The following XPR1 variants were observed in gnomAD, a reference collection of about 807,000 sequenced individuals.
The protein encoded by XPR1 is solute carrier family 53 member 1.
In XPR1, 28 loss-of-function variants were observed where a neutral mutation model predicts 87.5. The observed-to-expected ratio is 0.32, with a 90% CI of 0.24 to 0.44. XPR1 has a LOEUF of 0.44. XPR1 is among the 20% of genes least tolerant of loss of function. The pLI is 1.00. For synonymous variants in XPR1, 300 were observed against 306.1 expected (o/e 0.98, Z 0.21); for missense variants, 559 against 862.3 (o/e 0.65, Z 4.41).
intron 2 of XPR1, among the ~76,000 whole-genome samples, chr1:180,709,141 A>T (rs1657667161): frequency 6.6e-6 from 1 of 151,978 alleles, no homozygotes; most frequent in African/African-American, 2.4e-5. Flanking sequence ...CAAACTCCTG[A>T]CCTCAGGTGA....
intron 14 of XPR1, among the ~76,000 whole-genome samples, chr1:180,882,915 C>G (rs1652888261): frequency 6.6e-6 from 1 of 151,868 alleles, no homozygotes; most frequent in African/African-American, 2.4e-5. Context: ...GGTGTTTTAT[C>G]TTATCCTCAT....
chr1:180,825,942 A>G (rs1650816796), intron 9 of XPR1, among the ~76,000 whole-genome samples: 2 of 152,116 alleles, frequency 1.3e-5, no homozygotes, highest in Admixed American at 6.5e-5. Flanking sequence ...CCTAGCTACT[A>G]GGGAGGCTGA....
intron 2 of XPR1, among the ~76,000 whole-genome samples, chr1:180,738,004 TTTTA>T (rs1658783760): frequency 1.3e-5 from 2 of 152,090 alleles, no homozygotes; most frequent in African/African-American, 2.4e-5. Flanking sequence ...CATAACTTTA[TTTTA>T]TTTATTTATT....
chr1:180,661,412 T>TTTCC (rs1655772332), intron 1 of XPR1, among the ~76,000 whole-genome samples: 1 of 152,080 alleles, frequency 6.6e-6, no homozygotes, highest in Admixed American at 6.6e-5. Context: ...CTCTTCCTTC[T>TTTCC]TTCCTTCCTT....
At chr1:180,713,275 A>G (rs1657870152) in intron 2 of XPR1, among the ~76,000 whole-genome samples, 1 of 152,016 alleles carries the variant, frequency 6.6e-6, no homozygotes, top group Non-Finnish European at 1.5e-5. Flanking sequence ...TTCCATTTCA[A>G]TTTCCAATTG....
intron 12 of XPR1, among the ~76,000 whole-genome samples, 177 bp downstream of exon 12, chr1:180,864,051 A>G (rs1652303557): frequency 6.6e-6 from 1 of 152,206 alleles, no homozygotes; most frequent in Non-Finnish European, 1.5e-5. Context: ...ACTATATGCT[A>G]GGTACTATAG....
intron 1 of XPR1, among the ~76,000 whole-genome samples, chr1:180,671,612 C>T (rs1377070823): frequency 6.6e-6 from 1 of 152,106 alleles, no homozygotes; most frequent in African/African-American, 2.4e-5. Flanking sequence ...GCAGCCCCCA[C>T]CTCCTGGGTT....
chr1:180,807,856 T>C (rs913434652), intron 6 of XPR1, among the ~76,000 whole-genome samples: 7 of 152,036 alleles, frequency 4.6e-5, no homozygotes, highest in East Asian at 3.9e-4. Context: ...ATACAAAAAT[T>C]AGCTGGGCTT....
intron 7 of XPR1, among the ~76,000 whole-genome samples, chr1:180,817,789 A>G (rs1000433319): frequency 6.6e-6 from 1 of 152,196 alleles, no homozygotes. Flanking sequence ...TGGGGAATGG[A>G]TAGCAATTGG....
At chr1:180,651,947 T>C (rs762365660) in intron 1 of XPR1, among the ~76,000 whole-genome samples, 3 of 152,218 alleles carry the variant, frequency 2.0e-5, no homozygotes, top group Non-Finnish European at 4.4e-5. Context: ...ACAAAGCCTG[T>C]GCAGTTTACA....
At chr1:180,824,227 A>G (rs1473313759) in intron 7 of XPR1, among the ~76,000 whole-genome samples, 3 of 152,230 alleles carry the variant, frequency 2.0e-5, no homozygotes, top group Non-Finnish European at 2.9e-5. Flanking sequence ...TTCTAGTGAC[A>G]TTCTGCAGAG....
In XPR1 at chr1:180,829,189, C is replaced by T. The variant is rs1650968014; in HGVS notation, c.1134+3845C>T. Among the ~76,000 whole-genome samples the T allele has an allele frequency of 2.6e-5, 4 of 152,230 alleles. No homozygotes were observed. In the South Asian group the frequency reaches 6.2e-4, roughly 24 times the overall value. On this transcript the variant is annotated intron_variant, in intron 9 of 14. Coordinates refer to ENST00000367590, the MANE Select transcript of XPR1 (RefSeq NM_004736.4). The stretch of plus-strand genomic sequence containing the variant: ...CCATGAAAAGTAGAAATTAAAACTT[C>T]ATCTTCTTAGCTATTTATCAGTATT...
At chr1:180,694,744 T>C (rs1571733049) in intron 2 of XPR1, among the ~76,000 whole-genome samples, 1 of 151,334 alleles carries the variant, frequency 6.6e-6, no homozygotes. Context: ...GGGCTAATCT[T>C]GTGTCACCCC....
At position 180,824,737 on chromosome 1, in the gene XPR1, C is replaced by A. The variant is rs6697358; in HGVS notation, c.764-16C>A. 8.0e-3 allele frequency: 12,673 copies of A among 1,588,606 alleles called. 892 individuals carry two copies. The African/African-American group carries it at 0.15, about 18-fold the overall frequency. On this transcript the variant is annotated splice_polypyrimidine_tract_variant and intron_variant, in intron 7 of 14. Transcript: ENST00000367590. ...TATGAATTTTATAACTGACCAATAT[C>A]TTAATATTCTTTCAGCTGTATTTAA...
intron 1 of XPR1, among the ~76,000 whole-genome samples, chr1:180,668,214 C>T (rs983147842): frequency 6.6e-6 from 1 of 150,454 alleles, no homozygotes; most frequent in South Asian, 2.1e-4. Flanking sequence ...TTGCAACCTC[C>T]ACCTTCTGGG....
chr1:180,803,126 C>T (rs1649856355), intron 3 of XPR1, among the ~76,000 whole-genome samples: 1 of 152,162 alleles, frequency 6.6e-6, no homozygotes, highest in Non-Finnish European at 1.5e-5. Context: ...AGAGGCTGTA[C>T]CATTTTGCGT....
At chr1:180,849,734 A>G (rs1651803984) in intron 11 of XPR1, among the ~76,000 whole-genome samples, 1 of 152,202 alleles carries the variant, frequency 6.6e-6, no homozygotes, top group African/African-American at 2.4e-5. Flanking sequence ...GGATCAATGA[A>G]TCTTGGGCAT....
chr1:180,801,421 T>C (rs2102114525), intron 3 of XPR1, among the ~76,000 whole-genome samples: 1 of 152,304 alleles, frequency 6.6e-6, no homozygotes, highest in East Asian at 1.9e-4. Flanking sequence ...ATGAAATTTA[T>C]TTGGAAAGAG....
chr1:180,828,093 T>A (rs1353518539), intron 9 of XPR1, among the ~76,000 whole-genome samples: 7 of 152,014 alleles, frequency 4.6e-5, no homozygotes, highest in African/African-American at 1.7e-4. Flanking sequence ...GCCCAGCTGG[T>A]CTCGAATTCC....
Sources: gnomAD v4.1 joint callset for allele counts (sites outside exome capture counted in the v4.1 genomes callset) on GRCh38, gnomAD v4.1.1 for gene constraint, MANE v1.5 for transcripts, NCBI Gene and HGNC (gene_info 2026-07-23, HGNC 2026-07-21) for gene names.